The following GPHN variants were observed in gnomAD, a reference collection of about 807,000 sequenced individuals.
GPHN encodes the protein gephyrin.
A neutral mutation model predicts 95.5 loss-of-function variants in GPHN; 17 were observed. The ratio of observed to expected loss-of-function variants is 0.18; its 90% confidence interval spans 0.12 to 0.27. The LOEUF is 0.27. Ranked by LOEUF, GPHN falls within the 10% of genes least tolerant of loss-of-function variation. The pLI, the probability that GPHN is intolerant of heterozygous loss-of-function variation, is 1.00. For synonymous variants in GPHN, 320 were observed against 322.5 expected, an observed-to-expected ratio of 0.99 and a Z score of 0.08; for missense variants, 660 against 978.1, an observed-to-expected ratio of 0.67 and a Z score of 4.34.
the GPHN span, among the ~76,000 whole-genome samples, chr14:67,465,260 A>G: frequency 6.6e-6 from 1 of 152,268 alleles, no homozygotes; most frequent in Non-Finnish European, 1.5e-5. Context: ...ATCAGTCTCC[A>G]GTTGGGCTAA....
At chr14:66,550,048 A>C (rs1344313123) in intron 1 of GPHN, among the ~76,000 whole-genome samples, 1 of 152,230 alleles carries the variant, frequency 6.6e-6, no homozygotes, top group Non-Finnish European at 1.5e-5. Context: ...TAATGTTTTC[A>C]TGCCTGCTAA....
At chr14:67,221,708 T>C in the GPHN span, 10 of 1,583,240 alleles carry the variant, frequency 6.3e-6, no homozygotes, top group South Asian at 1.0e-4. Context: ...TTATTTTATA[T>C]CTAGTAGATC....
intron 1 of GPHN, among the ~76,000 whole-genome samples, chr14:66,646,373 G>A (rs1468418172): frequency 6.6e-6 from 1 of 152,048 alleles, no homozygotes; most frequent in East Asian, 1.9e-4. Flanking sequence ...ATTGTTGGTG[G>A]GGATGTAAAA....
chr14:67,574,495 A>T, the GPHN span: 2 of 1,033,814 alleles, frequency 1.9e-6, no homozygotes, highest in Non-Finnish European at 2.6e-6. This position sits in a 1 kb window ranked among gnomAD's most constrained non-coding sequence, Gnocchi z 4.2. Context: ...GTTCCCCCTT[A>T]TACGGGGCTC....
chr14:67,422,373 G>C, the GPHN span, among the ~76,000 whole-genome samples: 3 of 152,150 alleles, frequency 2.0e-5, no homozygotes, highest in Admixed American at 6.6e-5. Context: ...TCCCCCGTGT[G>C]GTATGCCATG....
At chr14:67,718,351 C>G in the GPHN span, among the ~76,000 whole-genome samples, 1 of 152,196 alleles carries the variant, frequency 6.6e-6, no homozygotes, top group African/African-American at 2.4e-5. Flanking sequence ...TTCCCTCTCA[C>G]TCTATTTTGT....
At chr14:67,640,610 G>A in the GPHN span, among the ~76,000 whole-genome samples, 4 of 152,160 alleles carry the variant, frequency 2.6e-5, no homozygotes, top group Non-Finnish European at 5.9e-5. Context: ...ACAAATCTCT[G>A]CAAATATTAA....
intron 1 of GPHN, among the ~76,000 whole-genome samples, chr14:66,607,928 T>C (rs1039121899): frequency 8.6e-5 from 13 of 151,894 alleles, no homozygotes; most frequent in African/African-American, 2.7e-4. Context: ...CAATCTTTTT[T>C]ATTCTTCCGA....
the GPHN span, among the ~76,000 whole-genome samples, chr14:67,703,364 T>C: frequency 6.6e-6 from 1 of 152,216 alleles, no homozygotes; most frequent in East Asian, 1.9e-4. Flanking sequence ...CAAATGAGTT[T>C]AGAGTTAGGT....
rs904330116 is a variant in GPHN at position 67,045,396 on chromosome 14, G to GTC, written c.1007-13243_1007-13242dup. Among the ~76,000 whole-genome samples the GTC allele has an allele frequency of 4.6e-5, 7 of 151,740 alleles. No homozygotes were observed. In the South Asian group the frequency reaches 1.3e-3, roughly 27 times the overall value. ...TTTCTCTATCTCTGTCTCCCTCTCTGTCTCTCTCTCTGTGTCTCTCTCTCT... is the reference window on the plus strand; with the variant it reads ...TTTCTCTATCTCTGTCTCCCTCTCTGTCTCTCTCTCTCTGTGTCTCTCTCTCT... On this transcript the variant is annotated intron_variant, in intron 10 of 22. Coordinates refer to ENST00000478722, the MANE Select transcript of GPHN (RefSeq NM_020806.5).
intron 8 of GPHN, among the ~76,000 whole-genome samples, 161 bp from the exon 9 acceptor site, chr14:66,965,030 T>C (rs2069221483): frequency 6.6e-6 from 1 of 152,200 alleles, no homozygotes; most frequent in Non-Finnish European, 1.5e-5. Context: ...TCTGAAAGTT[T>C]CTATTCTATC....
At chr14:67,199,711 A>G in the GPHN span, 1 of 1,583,072 alleles carries the variant, frequency 6.3e-7, no homozygotes. Flanking sequence ...CACCTCCTTC[A>G]CCCTCTGCCC....
chr14:67,210,753 C>T, the GPHN span, among the ~76,000 whole-genome samples: 2 of 151,990 alleles, frequency 1.3e-5, no homozygotes, highest in African/African-American at 2.4e-5. Flanking sequence ...TGGCTCAGAC[C>T]TGTAATCCCA....
chr14:67,562,081 G>C, the GPHN span: 1 of 1,604,992 alleles, frequency 6.2e-7, no homozygotes, highest in South Asian at 1.1e-5. Flanking sequence ...GTGTTTGGTG[G>C]GTATGGGGCT....
the GPHN span, among the ~76,000 whole-genome samples, chr14:67,644,997 TAA>T: frequency 5.3e-5 from 7 of 132,396 alleles, no homozygotes; most frequent in Admixed American, 7.7e-5. Context: ...GACTCCGTCT[TAA>T]AAAAAAAAAA....
intron 13 of GPHN, among the ~76,000 whole-genome samples, chr14:67,103,422 A>G (rs915688684): frequency 4.0e-5 from 6 of 151,502 alleles, no homozygotes; most frequent in South Asian, 4.2e-4. Flanking sequence ...AGGAATTGCA[A>G]TGAATCTGTA....
chr14:66,754,213 A>G (rs1048736018), intron 2 of GPHN, among the ~76,000 whole-genome samples: 6 of 152,010 alleles, frequency 3.9e-5, no homozygotes, highest in Non-Finnish European at 8.8e-5. Flanking sequence ...TTTCTCTTAG[A>G]TAAGTACTTA....
At chr14:67,631,434 C>CTTTTTTT in the GPHN span, among the ~76,000 whole-genome samples, 3 of 113,130 alleles carry the variant, frequency 2.7e-5, no homozygotes, top group South Asian at 2.8e-4. Flanking sequence ...TTCTTTCTTT[C>CTTTTTTT]TTTTTTTTTT....
At chr14:67,647,275 C>T in the GPHN span, 1 of 391,430 alleles carries the variant, frequency 2.6e-6, no homozygotes. Context: ...ATCTTTAATG[C>T]TTATCTTCTG....
Sources: allele counts gnomAD v4.1 joint callset (sites outside exome capture counted in the v4.1 genomes callset), GRCh38; gene constraint gnomAD v4.1.1; non-coding constraint Gnocchi (gnomAD v3.1); transcripts MANE v1.5; gene names NCBI Gene and HGNC (gene_info 2026-07-23, HGNC 2026-07-21).